Variants in NRG1 observed in about 807,000 individuals in gnomAD.
The protein encoded by NRG1 is neuregulin 1.
NRG1 carries 18 observed loss-of-function variants against 63.8 expected under a neutral mutation model. The observed-to-expected ratio is 0.28, with a 90% CI of 0.19 to 0.42. NRG1 has a LOEUF of 0.42. Among genes scored for constraint, NRG1 ranks in the 10% least tolerant of loss-of-function variants. The pLI, the probability that NRG1 is intolerant of heterozygous loss-of-function variation, is 1.00. For synonymous variants in NRG1, 302 were observed against 301.3 expected (o/e 1.00, Z -0.02); for missense variants, 762 against 814.7 (o/e 0.94, Z 0.79).
intron 1 of NRG1, among the ~76,000 whole-genome samples, chr8:32,113,015 C>A (rs1832236308): frequency 6.6e-6 from 1 of 152,180 alleles, no homozygotes; most frequent in South Asian, 2.1e-4. Context: ...AGAACATGAA[C>A]TTCAAGACAG....
At chr8:32,755,454 T>A (rs1166365638) in intron 8 of NRG1, among the ~76,000 whole-genome samples, 2 of 152,110 alleles carry the variant, frequency 1.3e-5, no homozygotes, top group African/African-American at 4.8e-5. Flanking sequence ...TATCCCATGA[T>A]TTAGTGTGTT....
chr8:32,366,669 G>GTA lies in NRG1; in HGVS notation c.38-229158_38-229157insAT. ...TAATATATATTGTGTGTGTGTGTGT[G>GTA]TGTGTGTGTATATATATATATATAT... On this transcript the variant is annotated intron_variant, in intron 1 of 10. Transcript: ENST00000519301. Among the ~76,000 whole-genome samples the GTA allele has an allele frequency of 4.7e-5, 3 of 64,080 alleles. No individual in the cohort carries two copies. In the South Asian group the frequency reaches 1.7e-3, roughly 37 times the overall value. 42.0% of individuals were successfully genotyped at this position (64,080 alleles called of 152,430 possible). A position where few individuals can be genotyped will look rare whatever the true frequency, so the allele number is the denominator to read the frequency against.
intron 1 of NRG1, among the ~76,000 whole-genome samples, chr8:32,483,884 C>T (rs1825603077): frequency 6.6e-6 from 1 of 152,148 alleles, no homozygotes; most frequent in Non-Finnish European, 1.5e-5. Context: ...GCGGGCAGAT[C>T]ACAAGCTCAG....
chr8:32,566,651 G>C (rs370499331), intron 1 of NRG1, among the ~76,000 whole-genome samples: 22 of 152,212 alleles, frequency 1.4e-4, no homozygotes, highest in Admixed American at 4.6e-4. Context: ...CTTTTAAGGT[G>C]ATGTTTATTA....
intron 1 of NRG1, among the ~76,000 whole-genome samples, chr8:31,667,076 T>A (rs752814242): frequency 1.3e-5 from 2 of 152,228 alleles, no homozygotes; most frequent in Non-Finnish European, 2.9e-5. Context: ...TCTAACCGAA[T>A]ACTCTGGGAG....
intron 1 of NRG1, among the ~76,000 whole-genome samples, chr8:31,990,312 C>T (rs1044883030): frequency 1.5e-4 from 23 of 152,052 alleles, no homozygotes; most frequent in African/African-American, 5.6e-4. Context: ...ATTGCAATTA[C>T]CAAATAGTTG....
rs117514491 is a variant in NRG1 at position 31,781,577 on chromosome 8, G to A, written c.37+142146G>A. 3.8e-3 allele frequency among the ~76,000 whole-genome samples: 584 copies of A among 152,200 alleles called. 1 individual carries two copies. Among genetic ancestry groups the A allele is most frequent in the Middle Eastern group, 0.02 (6 of 294 alleles). On this transcript the variant is annotated intron_variant, in intron 1 of 10. Coordinates refer to the NRG1 transcript ENST00000519301. ...CTGTCTGGGATGACAGCACACATTG[G>A]CCAAAGACAGAAGAGTTCCCAAAAC...
chr8:32,465,169 A>G (rs1291976855), intron 1 of NRG1, among the ~76,000 whole-genome samples: 2 of 152,180 alleles, frequency 1.3e-5, no homozygotes, highest in African/African-American at 2.4e-5. Context: ...AACAACAACA[A>G]CAACAAAAAC....
chr8:32,272,837 T>C (rs1163024582), intron 1 of NRG1, among the ~76,000 whole-genome samples: 1 of 152,310 alleles, frequency 6.6e-6, no homozygotes, highest in Non-Finnish European at 1.5e-5. Context: ...CCCAGTAAAA[T>C]AAATCAGAGT....
chr8:32,697,466 G>A (rs1813663205), intron 5 of NRG1, among the ~76,000 whole-genome samples: 1 of 152,082 alleles, frequency 6.6e-6, no homozygotes, highest in Non-Finnish European at 1.5e-5. Flanking sequence ...GCTTGACAGA[G>A]CTTTCTTATT....
chr8:32,147,157 A>G (rs975622487), intron 1 of NRG1, among the ~76,000 whole-genome samples: 12 of 152,286 alleles, frequency 7.9e-5, no homozygotes, highest in African/African-American at 2.9e-4. Flanking sequence ...CTGTTGATAT[A>G]AGCTTAAGTT....
intron 1 of NRG1, among the ~76,000 whole-genome samples, chr8:32,176,191 G>T (rs1481472622): frequency 2.0e-5 from 3 of 152,158 alleles, no homozygotes; most frequent in Non-Finnish European, 4.4e-5. Context: ...ACAACCATCT[G>T]ATCTTTGACA....
intron 1 of NRG1, among the ~76,000 whole-genome samples, chr8:32,128,053 T>G (rs778897106): frequency 6.6e-6 from 1 of 151,950 alleles, no homozygotes; most frequent in African/African-American, 2.4e-5. Flanking sequence ...ACAATAAGAT[T>G]ATTATTATTC....
intron 7 of NRG1, among the ~76,000 whole-genome samples, chr8:32,745,585 G>A (rs1262824856): frequency 6.6e-6 from 1 of 152,056 alleles, no homozygotes; most frequent in Non-Finnish European, 1.5e-5. Context: ...GGAAAATATT[G>A]TCAAGGTTAG....
intron 1 of NRG1, among the ~76,000 whole-genome samples, chr8:32,476,327 C>T (rs996754237): frequency 2.0e-5 from 3 of 148,334 alleles, no homozygotes; most frequent in Admixed American, 6.6e-5. Context: ...GGGGCTATCC[C>T]TCGTGATCCT....
At chr8:31,834,292 T>TGTGCGCACATGC (rs71208145) in intron 1 of NRG1, among the ~76,000 whole-genome samples, 926 of 19,208 alleles carry the variant, frequency 0.048, 6 homozygotes, top group East Asian at 0.35. Flanking sequence ...CCTTCATGCG[T>TGTGCGCACATGC]GTGCGCGCAC....
intron 1 of NRG1, among the ~76,000 whole-genome samples, chr8:32,512,256 T>C (rs1232273367): frequency 6.6e-6 from 1 of 152,236 alleles, no homozygotes; most frequent in Non-Finnish European, 1.5e-5. Flanking sequence ...ATAAAAATTA[T>C]TTGAATTACT....
intron 1 of NRG1, among the ~76,000 whole-genome samples, chr8:32,355,122 A>T (rs1008648915): frequency 1.3e-5 from 2 of 152,140 alleles, no homozygotes; most frequent in Non-Finnish European, 2.9e-5. Context: ...TAATTTGATA[A>T]TTTTTTTAGA....
At chr8:31,850,448 A>G (rs909284405) in intron 1 of NRG1, among the ~76,000 whole-genome samples, 2 of 152,166 alleles carry the variant, frequency 1.3e-5, no homozygotes, top group Non-Finnish European at 2.9e-5. Flanking sequence ...CTGAGGGTCC[A>G]TGGCAACTGA....
Sources: allele counts gnomAD v4.1 joint callset (sites outside exome capture counted in the v4.1 genomes callset), GRCh38; gene constraint gnomAD v4.1.1; transcripts MANE v1.5; gene names NCBI Gene and HGNC (gene_info 2026-07-23, HGNC 2026-07-21).